Variants in PPARD observed in about 807,000 individuals in gnomAD.
PPARD encodes the protein peroxisome proliferator-activated receptor delta.
PPARD carries 6 observed loss-of-function variants against 39.5 expected under a neutral mutation model. The observed-to-expected ratio is 0.15, with a 90% CI of 0.08 to 0.30. The LOEUF is 0.30. Ranked by LOEUF, PPARD falls within the 10% of genes least tolerant of loss-of-function variation. The pLI is 1.00. For missense variants in PPARD, 397 were observed against 596.8 expected (o/e 0.67, Z 3.49); for synonymous variants, 210 against 231.3 (o/e 0.91, Z 0.83).
In PPARD at chr6:35,366,739, G is replaced by A. The variant is rs1762226251; in HGVS notation, c.-102+19589G>A. 6.6e-6 allele frequency among the ~76,000 whole-genome samples: 1 copy of A among 151,928 alleles called. No individual in the cohort carries two copies. The highest frequency in any genetic ancestry group is 2.4e-5 in the African/African-American group (1 of 41,326). ...TAATTTTTCTATTTTTAGTAGAAAT[G>A]GGGTTTCACGGTGTTGGCCAGGCTG... is the stretch of plus-strand genomic sequence containing the variant. On this transcript the variant is annotated intron_variant, in intron 2 of 7. Transcript: ENST00000360694. The surrounding 1 kb of genome is among the most constrained non-coding windows in gnomAD (Gnocchi z 4.6).
At chr6:35,345,146 C>T (rs1792096075) in intron 1 of PPARD, among the ~76,000 whole-genome samples, 1 of 152,174 alleles carries the variant, frequency 6.6e-6, no homozygotes, top group South Asian at 2.1e-4. Context: ...CCTTGTGGAG[C>T]AGCTTGGGCA....
intron 2 of PPARD, among the ~76,000 whole-genome samples, chr6:35,381,979 A>C (rs1581585955): frequency 1.3e-5 from 2 of 152,208 alleles, no homozygotes; most frequent in African/African-American, 4.8e-5. Flanking sequence ...GGTATCTTAC[A>C]TACCCTCCAA....
At chr6:35,384,313 G>A (rs71476239) in intron 2 of PPARD, among the ~76,000 whole-genome samples, 2 of 139,430 alleles carry the variant, frequency 1.4e-5, no homozygotes, top group African/African-American at 5.6e-5. Flanking sequence ...GGAGGTCGGG[G>A]CGTCAGCCTC....
intron 2 of PPARD, among the ~76,000 whole-genome samples, chr6:35,374,789 A>G (rs1762712791): frequency 1.3e-5 from 2 of 152,076 alleles, no homozygotes; most frequent in Non-Finnish European, 2.9e-5. Context: ...TCCCCCAGTG[A>G]TTCTTACATT....
intron 4 of PPARD, among the ~76,000 whole-genome samples, chr6:35,421,482 G>A (rs1766166460): frequency 6.6e-6 from 1 of 150,846 alleles, no homozygotes; most frequent in South Asian, 2.1e-4. Flanking sequence ...GGATTACAGG[G>A]GTGTGCCACT....
intron 2 of PPARD, among the ~76,000 whole-genome samples, chr6:35,356,436 C>A (rs9942465): frequency 0.026 from 4,029 of 152,276 alleles, 66 homozygotes; most frequent in Middle Eastern, 0.054. Context: ...CTACTCATTA[C>A]CCCCTTTTCC....
At position 35,425,460 on chromosome 6, in the gene PPARD, T is replaced by C. The variant is rs1766509765; in HGVS notation, c.1079-372T>C. ...TTCTTTTCATCGATGATGACTCACT[T>C]GATCCTCACAACAACCCTGTGCAGG... On this transcript the variant is annotated intron_variant, in intron 7 of 7. Coordinates refer to ENST00000360694, the MANE Select transcript of PPARD (RefSeq NM_006238.5). The surrounding 1 kb of genome is among the most constrained non-coding windows in gnomAD (Gnocchi z 4.5). The C allele has an allele frequency of 1.9e-6, 2 of 1,064,898 alleles. No individual in the cohort carries two copies. The highest frequency in any genetic ancestry group is 1.6e-5 in the African/African-American group (1 of 61,230). The allele number at this position is 1,064,898 out of a possible 1,614,324, so 66.0% of individuals were successfully genotyped here.
rs1763353526 is a variant in PPARD, at chr6:35,383,979, G to A, written c.-101-27008G>A. Reference sequence around the variant, plus strand: ...CCCGCCAGGCCAGCAGCCCCATCCGGGAGGGAGGTGGGGGGGTCAGCCCCA... The same window carrying A: ...CCCGCCAGGCCAGCAGCCCCATCCGAGAGGGAGGTGGGGGGGTCAGCCCCA... On this transcript the variant is annotated intron_variant, in intron 2 of 7. Transcript: ENST00000360694. Among the ~76,000 whole-genome samples, 5 of 140,220 alleles carry A rather than the reference G, an allele frequency of 3.6e-5. No homozygotes were observed. In the South Asian group the frequency reaches 1.1e-3, roughly 30 times the overall value. 92.0% of individuals were successfully genotyped at this position (140,220 alleles called of 152,430 possible).
intron 2 of PPARD, among the ~76,000 whole-genome samples, chr6:35,377,871 C>CTTTTTTTTTTTTTTT (rs540687692): frequency 0.011 from 1,338 of 120,128 alleles, 76 homozygotes; most frequent in Middle Eastern, 0.023. Flanking sequence ...GTTTACGTAT[C>CTTTTTTTTTTTTTTT]TTTTTTTTTT....
chr6:35,404,073 G>A (rs1764869930), intron 2 of PPARD, among the ~76,000 whole-genome samples: 1 of 152,208 alleles, frequency 6.6e-6, no homozygotes, highest in Non-Finnish European at 1.5e-5. Flanking sequence ...GGATTCAGAG[G>A]TGATGGCTCC....
intron 2 of PPARD, among the ~76,000 whole-genome samples, chr6:35,392,571 C>T (rs775471888): frequency 1.5e-4 from 23 of 151,988 alleles, no homozygotes; most frequent in Non-Finnish European, 2.8e-4. Context: ...CTGGGTTCCT[C>T]GGGGGAGAGA....
intron 2 of PPARD, among the ~76,000 whole-genome samples, chr6:35,391,087 A>G (rs1194909753): frequency 6.6e-6 from 1 of 152,230 alleles, no homozygotes; most frequent in African/African-American, 2.4e-5. Context: ...GGACAAATAT[A>G]TTGTGATATA....
intron 2 of PPARD, among the ~76,000 whole-genome samples, chr6:35,360,785 G>A (rs1395669692): frequency 1.3e-5 from 2 of 152,168 alleles, no homozygotes; most frequent in Non-Finnish European, 2.9e-5. Context: ...TGCCATCCCC[G>A]ATTTATTTTT....
At chr6:35,369,178 CAG>C (rs1282520650) in intron 2 of PPARD, among the ~76,000 whole-genome samples, 2 of 152,300 alleles carry the variant, frequency 1.3e-5, no homozygotes, top group Admixed American at 1.3e-4. Flanking sequence ...ACTTTCCTCT[CAG>C]AGAATTTCCA....
intron 2 of PPARD, among the ~76,000 whole-genome samples, chr6:35,359,558 A>G (rs961897226): frequency 2.0e-5 from 3 of 152,038 alleles, no homozygotes; most frequent in African/African-American, 7.2e-5. Context: ...TCTTCAGCCC[A>G]TGAGGAAGTC....
chr6:35,390,913 T>A (rs1305130191), intron 2 of PPARD, among the ~76,000 whole-genome samples: 1 of 152,088 alleles, frequency 6.6e-6, no homozygotes, highest in African/African-American at 2.4e-5. Flanking sequence ...TCCCAGTTAC[T>A]CAGGAGGCTG....
rs528097644 is a variant in PPARD at position 35,406,538 on chromosome 6, A to G, written c.-101-4449A>G. On this transcript the variant is annotated intron_variant, in intron 2 of 7. Coordinates refer to ENST00000360694, the MANE Select transcript of PPARD (RefSeq NM_006238.5). ...ACAGCAGTTCAATCTAAATAGGAGCAGCCCAAGGGACGTGGGTAGGTTTTA... is the reference window on the plus strand; with the variant it reads ...ACAGCAGTTCAATCTAAATAGGAGCGGCCCAAGGGACGTGGGTAGGTTTTA... Among the ~76,000 whole-genome samples, 10 of 152,342 alleles carry G rather than the reference A, an allele frequency of 6.6e-5. No homozygotes were observed. In the South Asian group the frequency reaches 2.1e-3, roughly 32 times the overall value.
intron 3 of PPARD, among the ~76,000 whole-genome samples, chr6:35,416,361 C>T (rs963057566): frequency 1.1e-3 from 87 of 76,626 alleles, no homozygotes; most frequent in African/African-American, 3.8e-3. Context: ...GGAACAAAAG[C>T]GAGACTTCAT....
At chr6:35,410,830 G>A (rs1024959982) in intron 2 of PPARD, among the ~76,000 whole-genome samples, 157 bp from the exon 3 acceptor site, 2 of 152,224 alleles carry the variant, frequency 1.3e-5, no homozygotes, top group African/African-American at 4.8e-5. Flanking sequence ...TGTGATACAA[G>A]GAGCAGAGAC....
Sources: allele counts gnomAD v4.1 joint callset (sites outside exome capture counted in the v4.1 genomes callset), GRCh38; gene constraint gnomAD v4.1.1; non-coding constraint Gnocchi (gnomAD v3.1); transcripts MANE v1.5; gene names NCBI Gene and HGNC (gene_info 2026-07-23, HGNC 2026-07-21).